DIP2B: variants seen among roughly 807,000 people sequenced by gnomAD.
DIP2B encodes DIP2 acetate--CoA ligase B (putative).
Under a neutral mutation model 198.0 loss-of-function variants are expected in DIP2B, and 76 were observed. The ratio of observed to expected loss-of-function variants is 0.38; its 90% confidence interval spans 0.32 to 0.46. The LOEUF is 0.46. Among genes scored for constraint, DIP2B ranks in the 20% least tolerant of loss-of-function variants. The pLI, the probability that DIP2B is intolerant of heterozygous loss-of-function variation, is 0.99. For missense variants in DIP2B, 1,559 were observed against 1,978.4 expected (o/e 0.79, Z 4.02); for synonymous variants, 701 against 739.1 (o/e 0.95, Z 0.84).
intron 9 of DIP2B, among the ~76,000 whole-genome samples, chr12:50,682,874 C>T (rs1939068446): frequency 6.6e-6 from 1 of 152,012 alleles, no homozygotes; most frequent in Non-Finnish European, 1.5e-5. Context: ...GCTAAATCAC[C>T]AAAAGGATTA....
At chr12:50,518,091 A>G (rs1349940394) in intron 1 of DIP2B, among the ~76,000 whole-genome samples, 3 of 152,206 alleles carry the variant, frequency 2.0e-5, no homozygotes, top group African/African-American at 4.8e-5. Context: ...GCACCTAAAC[A>G]TTGCATACAA....
chr12:50,708,340 G>A (rs914408359), intron 21 of DIP2B, 108 bp from the exon 22 acceptor site: 28 of 878,336 alleles, frequency 3.2e-5, no homozygotes, highest in Non-Finnish European at 4.7e-5. Flanking sequence ...TAAGCTACTC[G>A]TTTTGGGTAG....
intron 2 of DIP2B, among the ~76,000 whole-genome samples, chr12:50,627,340 A>AT (rs940978268): frequency 2.4e-4 from 35 of 148,464 alleles, no homozygotes; most frequent in East Asian, 9.8e-4. Flanking sequence ...ACTATGAGAA[A>AT]TTTTTTTTTT....
chr12:50,735,336 G>A (rs1042161603), intron 34 of DIP2B, among the ~76,000 whole-genome samples: 5 of 152,054 alleles, frequency 3.3e-5, no homozygotes, highest in Non-Finnish European at 7.3e-5. Flanking sequence ...AATTTCCATC[G>A]ATTTTTAAAA....
chr12:50,717,133 T>C (rs1293551225), intron 23 of DIP2B, among the ~76,000 whole-genome samples: 1 of 151,252 alleles, frequency 6.6e-6, no homozygotes, highest in Non-Finnish European at 1.5e-5. Flanking sequence ...TTAGTAGAGA[T>C]GGGGTTTTGC....
At chr12:50,718,278 C>G (rs1939771122) in intron 23 of DIP2B, among the ~76,000 whole-genome samples, 1 of 152,168 alleles carries the variant, frequency 6.6e-6, no homozygotes, top group African/African-American at 2.4e-5. Flanking sequence ...TCTTTCCAGG[C>G]CAGATATTCT....
chr12:50,579,442 G>A lies in DIP2B; in HGVS notation c.101-46534G>A, dbSNP rs1384876971. On this transcript the variant is annotated intron_variant, in intron 1 of 37. Transcript: ENST00000301180. ...AGCCTGGGCAACATGGTGAAACCCC[G>A]TCTCTACAAAAAATACAAAATTAGC... Among the ~76,000 whole-genome samples, 3 of 150,266 alleles carry A rather than the reference G, an allele frequency of 2.0e-5. No homozygotes were observed. The South Asian group carries it at 6.3e-4, about 31-fold the overall frequency.
chr12:50,520,845 C>G (rs1958110766), intron 1 of DIP2B, among the ~76,000 whole-genome samples: 1 of 152,030 alleles, frequency 6.6e-6, no homozygotes. Flanking sequence ...CCCTATCTAC[C>G]TTTTTTCTTA....
chr12:50,702,806 T>A (rs576035958), intron 19 of DIP2B, among the ~76,000 whole-genome samples: 1 of 140,444 alleles, frequency 7.1e-6, no homozygotes, highest in African/African-American at 2.7e-5. Flanking sequence ...GTAAGAGACA[T>A]GAATAGGCTA....
chr12:50,634,933 A>G (rs773064943), intron 2 of DIP2B, among the ~76,000 whole-genome samples: 1 of 152,138 alleles, frequency 6.6e-6, no homozygotes, highest in Admixed American at 6.6e-5. Context: ...TCTACACATT[A>G]TAGAGTGGTC....
intron 1 of DIP2B, among the ~76,000 whole-genome samples, chr12:50,554,919 C>T (rs1443713836): frequency 2.0e-5 from 3 of 152,056 alleles, no homozygotes; most frequent in Non-Finnish European, 4.4e-5. Context: ...AGGCGCGCGC[C>T]ACCACGCCTG....
At chr12:50,667,577 G>A (rs1053812979) in intron 4 of DIP2B, among the ~76,000 whole-genome samples, 3 of 152,056 alleles carry the variant, frequency 2.0e-5, no homozygotes, top group East Asian at 1.9e-4. Context: ...CTACATAATC[G>A]TCTTTTAACT....
chr12:50,631,287 C>G (rs1251472737), intron 2 of DIP2B, among the ~76,000 whole-genome samples: 2 of 151,728 alleles, frequency 1.3e-5, no homozygotes, highest in Non-Finnish European at 2.9e-5. Flanking sequence ...AGTGCAGTGG[C>G]CCAGACTTGG....
intron 1 of DIP2B, among the ~76,000 whole-genome samples, chr12:50,555,094 T>A (rs1017983125): frequency 2.6e-5 from 4 of 152,174 alleles, no homozygotes; most frequent in African/African-American, 9.6e-5. Flanking sequence ...TATCTCTTTT[T>A]TGGAATATAA....
chr12:50,554,061 C>A (rs1236888287), intron 1 of DIP2B, among the ~76,000 whole-genome samples: 1 of 152,004 alleles, frequency 6.6e-6, no homozygotes, highest in East Asian at 1.9e-4. Flanking sequence ...TTTTATAAGT[C>A]GTCACAACAG....
At chr12:50,593,711 CTCTCCTCTCCTCTCCTCT>C (rs1958841984) in intron 1 of DIP2B, among the ~76,000 whole-genome samples, 2 of 3,342 alleles carry the variant, frequency 6.0e-4, no homozygotes, top group Non-Finnish European at 9.8e-4. Flanking sequence ...CTCTCCCCTC[CTCTCCTCTCCTCTCCTCT>C]CCTCTCCTCT....
At chr12:50,730,375 TCTCTCTC>T (rs1266272709) in intron 30 of DIP2B, among the ~76,000 whole-genome samples, 29 of 109,672 alleles carry the variant, frequency 2.6e-4, no homozygotes, top group Non-Finnish European at 6.1e-4. Context: ...TTTCTTTCTC[TCTCTCTC>T]TTTTTTTTTT....
At chr12:50,676,153 G>A (rs964411175) in intron 7 of DIP2B, among the ~76,000 whole-genome samples, 3 of 152,098 alleles carry the variant, frequency 2.0e-5, no homozygotes, top group Admixed American at 6.6e-5. Context: ...ATAGGGAAGG[G>A]GAATGAGTGT....
intron 1 of DIP2B, among the ~76,000 whole-genome samples, chr12:50,517,040 C>T (rs999381427): frequency 2.0e-5 from 3 of 147,812 alleles, no homozygotes; most frequent in African/African-American, 7.4e-5. Flanking sequence ...CCTTAGCCTC[C>T]TGAGTAGCTG....
Sources: allele counts gnomAD v4.1 joint callset (sites outside exome capture counted in the v4.1 genomes callset), GRCh38; gene constraint gnomAD v4.1.1; transcripts MANE v1.5; gene names NCBI Gene and HGNC (gene_info 2026-07-23, HGNC 2026-07-21).